Variants in PRSS55 observed in about 807,000 individuals in gnomAD.
PRSS55 encodes probable serine protease UNQ9391/PRO34284.
In PRSS55, 41 loss-of-function variants were observed where a neutral mutation model predicts 23.6. That is an observed-to-expected ratio of 1.74 (90% CI 1.35 to 2.26). PRSS55 has a LOEUF of 2.26. Ranked by LOEUF, PRSS55 falls within the 30% of genes most tolerant of loss-of-function variation. The pLI, the probability that PRSS55 is intolerant of heterozygous loss-of-function variation, is 0.00. For synonymous variants in PRSS55, 262 were observed against 175.5 expected, an observed-to-expected ratio of 1.49 and a Z score of -3.90; for missense variants, 669 against 439.1, an observed-to-expected ratio of 1.52 and a Z score of -4.68.
At chr8:10,527,240 G>A (rs1410628348) in intron 1 of PRSS55, among the ~76,000 whole-genome samples, 2 of 152,206 alleles carry the variant, frequency 1.3e-5, no homozygotes, top group Non-Finnish European at 2.9e-5. Flanking sequence ...TATGGATGTG[G>A]CTTACTTTAG....
At chr8:10,537,016 C>A (rs547923281) in intron 4 of PRSS55, among the ~76,000 whole-genome samples, 2 of 152,034 alleles carry the variant, frequency 1.3e-5, no homozygotes, top group African/African-American at 2.4e-5. Flanking sequence ...ACCCTATGAA[C>A]GTAAAATAAA....
chr8:10,529,233 G>C (rs1296266140), intron 1 of PRSS55, among the ~76,000 whole-genome samples: 2 of 152,212 alleles, frequency 1.3e-5, no homozygotes, highest in Non-Finnish European at 2.9e-5. Context: ...AACAAGCTCA[G>C]TGAAGTGACT....
intron 4 of PRSS55, among the ~76,000 whole-genome samples, chr8:10,552,249 T>C (rs1486618782): frequency 2.0e-5 from 3 of 152,194 alleles, no homozygotes; most frequent in Non-Finnish European, 4.4e-5. Flanking sequence ...TTTTAAAGAA[T>C]CCCATTCTTT....
chr8:10,535,531 C>G (rs1018919265), intron 4 of PRSS55, among the ~76,000 whole-genome samples: 6 of 152,222 alleles, frequency 3.9e-5, no homozygotes, highest in African/African-American at 1.4e-4. Flanking sequence ...AAGATTGAAA[C>G]TGGACCCTTT....
At chr8:10,548,121 C>T (rs929768034) in intron 4 of PRSS55, among the ~76,000 whole-genome samples, 1 of 152,114 alleles carries the variant, frequency 6.6e-6, no homozygotes, top group Non-Finnish European at 1.5e-5. Flanking sequence ...CAGAGATTCC[C>T]AGAGCTTTGC....
At chr8:10,536,480 A>C (rs980654002) in intron 4 of PRSS55, among the ~76,000 whole-genome samples, 7 of 152,242 alleles carry the variant, frequency 4.6e-5, no homozygotes, top group African/African-American at 1.4e-4. Flanking sequence ...AACTTAAAAC[A>C]CAACTACCAT....
chr8:10,542,399 C>T (rs1812681157), downstream of PRSS55, among the ~76,000 whole-genome samples: 1 of 129,690 alleles, frequency 7.7e-6, no homozygotes, highest in African/African-American at 3.0e-5. Flanking sequence ...TTTCATTTGG[C>T]CTAGAAGCAC....
At chr8:10,525,766 G>T in intron 1 of PRSS55, 27 bp downstream of exon 1, 3 of 1,563,780 alleles carry the variant, frequency 1.9e-6, no homozygotes, top group Non-Finnish European at 2.6e-6. Flanking sequence ...AAGGGGCATG[G>T]ATGGGGGCTC....
At chr8:10,531,103 T>C (rs1489593491) in intron 2 of PRSS55, among the ~76,000 whole-genome samples, 192 bp from the exon 3 acceptor site, 1 of 76,342 alleles carries the variant, frequency 1.3e-5, no homozygotes, top group East Asian at 4.3e-4. Context: ...ACACCAGCTA[T>C]TCTGTTTTGT....
chr8:10,526,407 T>G (rs1171984204), intron 1 of PRSS55, among the ~76,000 whole-genome samples: 1 of 152,204 alleles, frequency 6.6e-6, no homozygotes, highest in Admixed American at 6.5e-5. Flanking sequence ...CCAGGCTGCA[T>G]GCCCTGTGCA....
In PRSS55 at chr8:10,538,797, T is replaced by C. The variant is rs1812550971; in HGVS notation, c.*4T>C. ...GTTCAGAGCTATTTTGTACTGATAA[T>C]AAAATAGAGGCTATTCTTTCAACCG... On this transcript the variant is annotated 3_prime_UTR_variant, in exon 5 of 5. Coordinates refer to ENST00000328655, the MANE Select transcript of PRSS55 (RefSeq NM_198464.4). The C allele has an allele frequency of 6.5e-7, 1 of 1,544,670 alleles. No homozygotes were observed.
At chr8:10,539,557 A>G (rs1812584137), downstream of PRSS55, among the ~76,000 whole-genome samples, 1 of 152,256 alleles carries the variant, frequency 6.6e-6, no homozygotes, top group Admixed American at 6.5e-5. Context: ...CTTGAATTAT[A>G]GCTCCCATAA....
intron 4 of PRSS55, among the ~76,000 whole-genome samples, chr8:10,549,600 C>A (rs373409518): frequency 6.6e-5 from 10 of 152,242 alleles, no homozygotes; most frequent in African/African-American, 2.4e-4. Flanking sequence ...TTCTAAGATG[C>A]GAAACAAGGC....
intron 4 of PRSS55, among the ~76,000 whole-genome samples, chr8:10,534,036 C>T (rs1739152403): frequency 6.6e-6 from 1 of 152,136 alleles, no homozygotes; most frequent in Non-Finnish European, 1.5e-5. Flanking sequence ...GGTTTAGGAG[C>T]CCCCCATGTG....
chr8:10,535,541 T>C (rs996834076), intron 4 of PRSS55, among the ~76,000 whole-genome samples: 5 of 152,216 alleles, frequency 3.3e-5, no homozygotes, highest in African/African-American at 1.2e-4. Flanking sequence ...CTGGACCCTT[T>C]CCTTTCACCA....
intron 4 of PRSS55, among the ~76,000 whole-genome samples, chr8:10,549,267 C>T (rs886726895): frequency 3.3e-5 from 5 of 152,320 alleles, no homozygotes; most frequent in Admixed American, 2.6e-4. Flanking sequence ...CGGAGAGCCA[C>T]TGAAGAGGCT....
chr8:10,533,141 T>A (rs1812332613), intron 4 of PRSS55, 93 bp downstream of exon 4: 1 of 1,356,986 alleles, frequency 7.4e-7, no homozygotes, highest in South Asian at 1.3e-5. Flanking sequence ...AAATAGACAA[T>A]TCTGAGTCTG....
At chr8:10,528,884 C>T (rs911306483) in intron 1 of PRSS55, among the ~76,000 whole-genome samples, 1 of 152,196 alleles carries the variant, frequency 6.6e-6, no homozygotes, top group Non-Finnish European at 1.5e-5. Context: ...GGGCCCCTGC[C>T]TTCATCTTCA....
At chr8:10,551,744 CA>C (rs1812956436) in intron 4 of PRSS55, among the ~76,000 whole-genome samples, 1 of 152,228 alleles carries the variant, frequency 6.6e-6, no homozygotes, top group Non-Finnish European at 1.5e-5. Flanking sequence ...GAGAAGCTCC[CA>C]CCCCATCCTT....
Sources: allele counts gnomAD v4.1 joint callset (sites outside exome capture counted in the v4.1 genomes callset), GRCh38; gene constraint gnomAD v4.1.1; transcripts MANE v1.5; gene names NCBI Gene and HGNC (gene_info 2026-07-23, HGNC 2026-07-21).